ABCA13: variants seen among roughly 807,000 people sequenced by gnomAD.
ABCA13 encodes the protein ATP binding cassette subfamily A member 13.
In ABCA13, 476 loss-of-function variants were observed where a neutral mutation model predicts 478.7. The ratio of observed to expected loss-of-function variants is 0.99; its 90% confidence interval spans 0.92 to 1.07. The LOEUF (loss-of-function observed/expected upper bound fraction) is 1.07, where lower values mean the gene tolerates loss of function less well. Ranked by LOEUF, ABCA13 falls within the 50% of genes least tolerant of loss-of-function variation. The probability of loss-of-function intolerance (pLI) is 0.00; values close to 1 mark genes in which losing one functional copy is unlikely to be tolerated. For missense variants in ABCA13, 6,060 were observed against 5,910.6 expected, an observed-to-expected ratio of 1.03 and a Z score of -0.83; for synonymous variants, 2,252 against 2,158.9, an observed-to-expected ratio of 1.04 and a Z score of -1.20.
intron 59 of ABCA13, among the ~76,000 whole-genome samples, chr7:48,620,280 A>G (rs1474692409): frequency 1.3e-5 from 2 of 152,228 alleles, no homozygotes; most frequent in Non-Finnish European, 2.9e-5. Context: ...AGAGCAAGTA[A>G]GAGGGACAGA....
chr7:48,350,614 A>C, intron 29 of ABCA13, 29 bp from the exon 30 acceptor site: 2 of 1,552,236 alleles, frequency 1.3e-6, no homozygotes, highest in South Asian at 2.5e-5. Context: ...ACAGAAGTTG[A>C]TGTGTCCTAA....
At chr7:48,204,611 C>T (rs978096720) in intron 3 of ABCA13, among the ~76,000 whole-genome samples, 5 of 152,144 alleles carry the variant, frequency 3.3e-5, no homozygotes, top group African/African-American at 1.2e-4. Flanking sequence ...CATTCCGATG[C>T]TTTGGGGCCC....
chr7:48,237,947 G>GA (rs1014004134), intron 8 of ABCA13, among the ~76,000 whole-genome samples: 1 of 152,076 alleles, frequency 6.6e-6, no homozygotes, highest in Admixed American at 6.6e-5. Context: ...TTAATTAAGG[G>GA]AAAAAAATAG....
At chr7:48,188,833 CCA>C (rs1432631568) in intron 1 of ABCA13, among the ~76,000 whole-genome samples, 6 of 152,090 alleles carry the variant, frequency 3.9e-5, no homozygotes, top group Non-Finnish European at 8.8e-5. Context: ...CATGCTCAGC[CCA>C]CAAGGTGAGA....
intron 43 of ABCA13, among the ~76,000 whole-genome samples, chr7:48,458,935 G>A (rs1250490065): frequency 6.6e-6 from 1 of 152,182 alleles, no homozygotes; most frequent in Non-Finnish European, 1.5e-5. Flanking sequence ...TATAGACTGT[G>A]AGGGAGGAGG....
At chr7:48,181,762 T>A (rs1795732723) in intron 1 of ABCA13, among the ~76,000 whole-genome samples, 1 of 152,206 alleles carries the variant, frequency 6.6e-6, no homozygotes, top group Admixed American at 6.5e-5. Context: ...TCACACTATG[T>A]TCTAATATTT....
chr7:48,578,649 A>C (rs1788415039), intron 55 of ABCA13, among the ~76,000 whole-genome samples: 1 of 152,194 alleles, frequency 6.6e-6, no homozygotes, highest in African/African-American at 2.4e-5. Context: ...GTTAGGTTTA[A>C]CACAACCCCA....
intron 3 of ABCA13, among the ~76,000 whole-genome samples, chr7:48,212,731 T>G (rs1475080619): frequency 6.6e-6 from 1 of 152,138 alleles, no homozygotes; most frequent in Non-Finnish European, 1.5e-5. Context: ...ATTTCAATAT[T>G]TTTTGAGGAA....
rs1329610775 is a variant in ABCA13, at chr7:48,221,287, C to T, written c.446C>T (p.Ser149Phe). 3.4e-6 allele frequency: 4 copies of T among 1,165,976 alleles called. No individual in the cohort carries two copies. Among genetic ancestry groups the T allele is most frequent in the Non-Finnish European group, 3.7e-6 (3 of 819,504 alleles). The allele number at this position is 1,165,976 out of a possible 1,614,324, so 72.2% of individuals were successfully genotyped here. The part of the protein sequence containing the change: ...WVERSNTPDS[S>F]YGSSFFTMDL... ...TAAACCTTCTTTATTATAGATTCTT[C>T]TTATGGTTCCAGTTTTTTTACAGTA... The change falls in exon 5 of 62, where the codon TCT (serine) becomes TTT (phenylalanine). Residue 149 changes from serine to phenylalanine, a missense_variant. Physicochemically the swap from Ser to Phe is radical, Grantham distance 155. Transcript: ENST00000435803.
chr7:48,458,776 G>T (rs1014488239), intron 43 of ABCA13, among the ~76,000 whole-genome samples: 1 of 152,078 alleles, frequency 6.6e-6, no homozygotes, highest in African/African-American at 2.4e-5. Context: ...GAGCTTCTTG[G>T]GCCCAAACAA....
rs762094608 is a variant in ABCA13, at chr7:48,274,245, C to A, written c.4579C>A (p.Leu1527Ile). 1.2e-6 allele frequency: 2 copies of A among 1,613,000 alleles called. No individual in the cohort carries two copies. The highest frequency in any genetic ancestry group is 8.5e-7 in the Non-Finnish European group (1 of 1,179,592). Reference protein sequence around the residue: ...SNWRYFTELILRPIEMSDEIP... With the variant: ...SNWRYFTELIIRPIEMSDEIP... ...TTGGAGATATTTTACTGAATTAATT[C>A]TAAGACCAATAGAAATGTCAGATGA... The change falls in exon 17 of 62, where the codon CTA (leucine) becomes ATA (isoleucine). Residue 1527 changes from leucine to isoleucine, a missense_variant. By Grantham distance (5) the Leu-to-Ile change is conservative. This residue lies in a region of ABCA13 where 4,423 missense variants were observed against 4,309.1 expected (regional missense o/e 1.03). Transcript: ENST00000435803.
chr7:48,383,445 A>G (rs1814707112), intron 35 of ABCA13, among the ~76,000 whole-genome samples: 1 of 152,168 alleles, frequency 6.6e-6, no homozygotes. Flanking sequence ...TTGAAATCAT[A>G]TTTATCTTTG....
intron 50 of ABCA13, among the ~76,000 whole-genome samples, chr7:48,510,063 T>C (rs752264622): frequency 2.6e-5 from 4 of 152,172 alleles, no homozygotes; most frequent in Non-Finnish European, 5.9e-5. Flanking sequence ...GCCCCCCAAA[T>C]GGTGTTGGGC....
At chr7:48,505,426 A>G (rs1202377958) in intron 48 of ABCA13, among the ~76,000 whole-genome samples, 2 of 152,196 alleles carry the variant, frequency 1.3e-5, no homozygotes, top group East Asian at 3.8e-4. Flanking sequence ...GATAATACCG[A>G]TAAGATGAAT....
At chr7:48,483,658 G>T (rs949565175) in intron 47 of ABCA13, among the ~76,000 whole-genome samples, 2 of 152,214 alleles carry the variant, frequency 1.3e-5, no homozygotes, top group African/African-American at 4.8e-5. Flanking sequence ...GAATTAAAGA[G>T]ACTAGGTGGG....
At chr7:48,545,804 G>A (rs1585762439) in intron 55 of ABCA13, among the ~76,000 whole-genome samples, 1 of 148,976 alleles carries the variant, frequency 6.7e-6, no homozygotes, top group African/African-American at 2.5e-5. Context: ...GAAAAACAAT[G>A]GTTGGGTTAA....
intron 8 of ABCA13, among the ~76,000 whole-genome samples, chr7:48,238,127 A>G (rs2129007781): frequency 6.6e-6 from 1 of 152,312 alleles, no homozygotes; most frequent in South Asian, 2.1e-4. Context: ...CTTGTAAACA[A>G]CAGAAATTTA....
intron 58 of ABCA13, among the ~76,000 whole-genome samples, chr7:48,598,450 T>C (rs1189174417): frequency 6.6e-6 from 1 of 152,244 alleles, no homozygotes; most frequent in Non-Finnish European, 1.5e-5. Context: ...TACCAAGGAA[T>C]GTGATTGCTG....
chr7:48,438,816 C>A (rs968386024), intron 42 of ABCA13, among the ~76,000 whole-genome samples: 6 of 151,522 alleles, frequency 4.0e-5, no homozygotes, highest in African/African-American at 1.5e-4. Flanking sequence ...AGCTAAATAT[C>A]CAACTTTGTT....
Sources: allele counts gnomAD v4.1 joint callset (sites outside exome capture counted in the v4.1 genomes callset), GRCh38; gene constraint gnomAD v4.1.1; regional missense constraint gnomAD v4.1.1; transcripts MANE v1.5; gene names NCBI Gene and HGNC (gene_info 2026-07-23, HGNC 2026-07-21).